Variants in ZFAND2B observed in about 807,000 individuals in gnomAD.
The protein encoded by ZFAND2B is AN1-type zinc finger protein 2B.
Under a neutral mutation model 38.2 loss-of-function variants are expected in ZFAND2B, and 27 were observed. The ratio of observed to expected loss-of-function variants is 0.71; its 90% CI spans 0.52 to 0.97. ZFAND2B has a LOEUF of 0.97. Ranked by LOEUF, ZFAND2B falls within the 50% of genes least tolerant of loss-of-function variation. The probability of loss-of-function intolerance (pLI) is 0.00; values close to 1 mark genes in which losing one functional copy is unlikely to be tolerated. For synonymous variants in ZFAND2B, 111 were observed against 119.4 expected (o/e 0.93, Z 0.46); for missense variants, 303 against 331.5 (o/e 0.91, Z 0.67).
rs1175306195 is a variant in ZFAND2B at position 219,209,056 on chromosome 2, G to A, written c.729+7G>A. The A allele has an allele frequency of 6.2e-7, 1 of 1,614,112 alleles. No homozygotes were observed. On this transcript the variant is annotated splice_region_variant and intron_variant, in intron 8 of 8. Coordinates refer to ENST00000289528, the MANE Select transcript of ZFAND2B (RefSeq NM_138802.3). ...AGAATACCAGCGGCAGCAGGTATGA[G>A]GCTGGGCTGAAGATATATGCTGCAG...
Position 219,207,974 on chromosome 2 carries a change from A to C in ZFAND2B, c.370A>C (p.Ile124Leu), listed in dbSNP as rs1400738465. The change falls in exon 4 of 9, where the codon ATC becomes CTC. Residue 124 changes from isoleucine (I) to leucine (L), a missense_variant. Physicochemically the swap from Ile to Leu is conservative, Grantham distance 5. Coordinates refer to ENST00000289528, the MANE Select transcript of ZFAND2B (RefSeq NM_138802.3). ...TGAACGCTGTAGCCGAAACTTCTGC[A>C]TCAAGCACCGGCATCCACTGGACCA... ...TCERCSRNFC[I>L]KHRHPLDHDC... 2 of 1,614,034 alleles carry C rather than the reference A, an allele frequency of 1.2e-6. No homozygotes were observed. Among genetic ancestry groups the C allele is most frequent in the Non-Finnish European group, 1.7e-6 (2 of 1,180,028 alleles).
In ZFAND2B at chr2:219,208,964, T is replaced by C; in HGVS notation, c.657-13T>C. On this transcript the variant is annotated splice_polypyrimidine_tract_variant and intron_variant, in intron 7 of 8. Transcript: ENST00000289528. ...CTTACCATCATCCAACTTAAACTGT[T>C]TCTCCCTCCCAGTTGTCAGGAGGAA... The C allele has an allele frequency of 3.7e-6, 6 of 1,613,990 alleles. No homozygotes were observed. Among genetic ancestry groups the C allele is most frequent in the Non-Finnish European group, 5.1e-6 (6 of 1,179,886 alleles).
chr2:219,208,186 G>T, intron 4 of ZFAND2B, 70 bp from the exon 5 acceptor site: 1 of 1,602,036 alleles, frequency 6.2e-7, no homozygotes, highest in Non-Finnish European at 8.5e-7. Flanking sequence ...TGTTTTTCCA[G>T]AACTCCCCTC....
At chr2:219,209,224 C>T (rs776681788) in intron 8 of ZFAND2B, 38 bp from the exon 9 acceptor site, 115 of 1,592,054 alleles carry the variant, frequency 7.2e-5, no homozygotes, top group Middle Eastern at 2.2e-4. Context: ...CTTGACGTTG[C>T]ACTGTGTCTT....
Position 219,207,102 on chromosome 2 carries a change from T to G in ZFAND2B, c.55+60T>G, listed in dbSNP as rs113897933. On this transcript the variant is annotated intron_variant, in intron 1 of 8. Transcript: ENST00000289528. ...CGGACAGGGACTTTGAACCGCAGGT[T>G]GGGAGGGAAGGGTGGGCTCCCAGGC... 200 of 1,284,738 alleles carry G rather than the reference T, an allele frequency of 1.6e-4. 3 individuals are homozygous for G. In the African/African-American group the frequency reaches 3.7e-3, roughly 24 times the overall value. 79.6% of individuals were successfully genotyped at this position (1,284,738 alleles called of 1,614,324 possible). A position where few individuals can be genotyped will look rare whatever the true frequency, so the allele number is the denominator to read the frequency against.
At position 219,209,546 on chromosome 2, in the gene ZFAND2B, C is replaced by G. The variant is rs947004855; in HGVS notation, c.*240C>G. ...GATGCTGGCCAGGCCCTACTCTTAG[C>G]CCCTTCATCATGTCATCTCCCTTAT... On this transcript the variant is annotated 3_prime_UTR_variant, in exon 9 of 9. Transcript: ENST00000289528. 1.7e-5 allele frequency: 12 copies of G among 699,234 alleles called. No individual in the cohort carries two copies. The highest frequency in any genetic ancestry group is 3.5e-5 in the African/African-American group (2 of 56,928). 43.3% of individuals were successfully genotyped at this position (699,234 alleles called of 1,614,324 possible).
In ZFAND2B at chr2:219,207,052, G is replaced by C; in HGVS notation, c.55+10G>C. The C allele has an allele frequency of 6.3e-7, 1 of 1,598,066 alleles. No homozygotes were observed. The highest frequency in any genetic ancestry group is 2.3e-5 in the East Asian group (1 of 43,894). On this transcript the variant is annotated intron_variant, in intron 1 of 8. Coordinates refer to ENST00000289528, the MANE Select transcript of ZFAND2B (RefSeq NM_138802.3). Reference sequence around the variant, plus strand: ...AGCTGTCAGCGCTTGGGTGAGGGGCGGAGCGCGCGGGGGGCGGGGCCCAGC... The same window carrying C: ...AGCTGTCAGCGCTTGGGTGAGGGGCCGAGCGCGCGGGGGGCGGGGCCCAGC...
chr2:219,208,750 T>C, intron 7 of ZFAND2B, 111 bp downstream of exon 7: 4 of 1,305,136 alleles, frequency 3.1e-6, no homozygotes, highest in Non-Finnish European at 4.4e-6. Flanking sequence ...GGCAACTTGG[T>C]CTCAAAATTA....
At chr2:219,208,698 C>T in intron 7 of ZFAND2B, 59 bp downstream of exon 7, 1 of 1,595,582 alleles carries the variant, frequency 6.3e-7, no homozygotes, top group Non-Finnish European at 8.6e-7. Flanking sequence ...GGTCTGGAGG[C>T]AGGTAGGTGG....
In ZFAND2B at chr2:219,206,788, G is replaced by A. The variant is rs1335628428; in HGVS notation, c.-200G>A. On this transcript the variant is annotated 5_prime_UTR_variant, in exon 1 of 9. Transcript: ENST00000289528. ...GCCAGCCCTGCGGGATGACGTCAGC[G>A]CGCCGCGCGCGCCGAGGGAGGAGCG... The A allele has an allele frequency of 8.4e-6, 4 of 473,440 alleles. No individual in the cohort carries two copies. The highest frequency in any genetic ancestry group is 2.1e-5 in the African/African-American group (1 of 48,240). The allele number at this position is 473,440 out of a possible 1,614,324, so 29.3% of individuals were successfully genotyped here.
Position 219,206,941 on chromosome 2 carries a change from C to T in ZFAND2B, c.-47C>T. On this transcript the variant is annotated 5_prime_UTR_variant, in exon 1 of 9. The change creates a new upstream start codon in the 5' untranslated region. Transcript: ENST00000289528. Reference sequence around the variant, plus strand: ...GGACTTCGAGCACGAGCCCTAAAGACGCTCAGCACTCGTCGCTTCTCCTAG... The same window carrying T: ...GGACTTCGAGCACGAGCCCTAAAGATGCTCAGCACTCGTCGCTTCTCCTAG... The T allele has an allele frequency of 1.2e-6, 2 of 1,603,052 alleles. No individual in the cohort carries two copies. Among genetic ancestry groups the T allele is most frequent in the South Asian group, 2.2e-5 (2 of 89,974 alleles).
rs1303331485 is a variant in ZFAND2B, at chr2:219,209,068, GA to G, written c.729+20del. 2 of 1,614,060 alleles carry G rather than the reference GA, an allele frequency of 1.2e-6. No homozygotes were observed. The highest frequency in any genetic ancestry group is 1.7e-5 in the Admixed American group (1 of 60,028). On this transcript the variant is annotated intron_variant, in intron 8 of 8. Coordinates refer to ENST00000289528, the MANE Select transcript of ZFAND2B (RefSeq NM_138802.3). ...GCAGCAGGTATGAGGCTGGGCTGAA[GA>G]TATATGCTGCAGTGGAAGGGAGGAA... is the stretch of plus-strand genomic sequence containing the variant.
chr2:219,207,215 GGGGC>G (rs1950498806), intron 1 of ZFAND2B, 108 bp from the exon 2 acceptor site: 2 of 1,403,482 alleles, frequency 1.4e-6, no homozygotes, highest in African/African-American at 2.8e-5. Context: ...GGCTTGGGAA[GGGGC>G]GGTGTGTCGA....
rs1021783500 is a variant in ZFAND2B at position 219,208,850 on chromosome 2, T to C, written c.657-127T>C. ...GGGGACAATACTAATACCCACCTTG[T>C]AGTGTTGCTATGAAGATTGAGATAA... is the stretch of plus-strand genomic sequence containing the variant. On this transcript the variant is annotated intron_variant, in intron 7 of 8. Transcript: ENST00000289528. 4 of 1,106,156 alleles carry C rather than the reference T, an allele frequency of 3.6e-6. No individual in the cohort carries two copies. The African/African-American group carries it at 4.6e-5, about 13-fold the overall frequency. The allele number at this position is 1,106,156 out of a possible 1,614,324, so 68.5% of individuals were successfully genotyped here.
In ZFAND2B at chr2:219,209,417, G is replaced by T; in HGVS notation, c.*111G>T. On this transcript the variant is annotated 3_prime_UTR_variant, in exon 9 of 9. Coordinates refer to ENST00000289528, the MANE Select transcript of ZFAND2B (RefSeq NM_138802.3). The stretch of plus-strand genomic sequence containing the variant: ...CACCCTGGAGGGCAGAGACAAGCGG[G>T]AGTGATGTGGAGGTCGCCCTGGGAG... 1 of 1,317,348 alleles carries T rather than the reference G, an allele frequency of 7.6e-7. No individual in the cohort carries two copies. The highest frequency in any genetic ancestry group is 1.1e-6 in the Non-Finnish European group (1 of 931,720). 81.6% of individuals were successfully genotyped at this position (1,317,348 alleles called of 1,614,324 possible).
Position 219,209,518 on chromosome 2 carries a change from G to T in ZFAND2B, c.*212G>T. ...CAACTGTTCCCTGGTTGGGCCCTCA[G>T]TGGATGCTGGCCAGGCCCTACTCTT... On this transcript the variant is annotated 3_prime_UTR_variant, in exon 9 of 9. Coordinates refer to ENST00000289528, the MANE Select transcript of ZFAND2B (RefSeq NM_138802.3). 1.4e-6 allele frequency: 1 copy of T among 716,598 alleles called. No homozygotes were observed. The highest frequency in any genetic ancestry group is 1.7e-5 in the African/African-American group (1 of 57,372). The allele number at this position is 716,598 out of a possible 1,614,324, so 44.4% of individuals were successfully genotyped here.
At chr2:219,207,182 G>A in intron 1 of ZFAND2B, 140 bp downstream of exon 1, 1 of 1,357,320 alleles carries the variant, frequency 7.4e-7, no homozygotes, top group East Asian at 2.4e-5. Flanking sequence ...AGCGGCAGAG[G>A]GGGCGTGGCC....
In ZFAND2B at chr2:219,207,911, G is replaced by A. The variant is rs752334336; in HGVS notation, c.307G>A (p.Ala103Thr). 7 of 1,614,078 alleles carry A rather than the reference G, an allele frequency of 4.3e-6. No individual in the cohort carries two copies. The highest frequency in any genetic ancestry group is 4.2e-6 in the Non-Finnish European group (5 of 1,180,026). The change falls in exon 4 of 9, where the codon GCT (alanine) becomes ACT (threonine). Residue 103 changes from alanine to threonine, a missense_variant. Ala to Thr is a moderately conservative substitution (Grantham distance 58). Coordinates refer to ENST00000289528, the MANE Select transcript of ZFAND2B (RefSeq NM_138802.3). ...RKIFTNKCER[A>T]GCRQREMMKL... ...GATCTTCACCAATAAGTGTGAACGCGCTGGCTGCCGGCAGCGAGAAATGAT... is the reference window on the plus strand; with the variant it reads ...GATCTTCACCAATAAGTGTGAACGCACTGGCTGCCGGCAGCGAGAAATGAT...
Position 219,207,344 on chromosome 2 carries a change from T to C in ZFAND2B, c.73T>C (p.Cys25Arg), listed in dbSNP as rs770507342. 1 of 1,614,016 alleles carries C rather than the reference T, an allele frequency of 6.2e-7. No individual in the cohort carries two copies. Among genetic ancestry groups the C allele is most frequent in the Non-Finnish European group, 8.5e-7 (1 of 1,179,848 alleles). The change falls in exon 2 of 9, where the codon TGT becomes CGT. Residue 25 changes from cysteine (C) to arginine (R), a missense_variant. By Grantham distance (180) the Cys-to-Arg change is radical. Transcript: ENST00000289528. ...CQRLDFLPLKCDACSGIFCAD... is the reference protein window; with the variant it reads ...CQRLDFLPLKRDACSGIFCAD... ...CTTTGCAGATTTTCTGCCGCTTAAG[T>C]GTGATGCCTGCTCAGGCATCTTCTG...
Sources: gnomAD v4.1 joint callset for allele counts on GRCh38, gnomAD v4.1.1 for gene constraint, MANE v1.5 for transcripts, NCBI Gene and HGNC (gene_info 2026-07-23, HGNC 2026-07-21) for gene names.